PCDHA3: variants seen among roughly 807,000 people sequenced by gnomAD.
The protein encoded by PCDHA3 is protocadherin alpha-3.
Under a neutral mutation model 62.2 loss-of-function variants are expected in PCDHA3, and 41 were observed. The ratio of observed to expected loss-of-function variants is 0.66; its 90% confidence interval spans 0.51 to 0.86. The LOEUF is 0.86. PCDHA3 is among the 40% of genes least tolerant of loss of function. The pLI, the probability that PCDHA3 is intolerant of heterozygous loss-of-function variation, is 0.00. For synonymous variants in PCDHA3, 640 were observed against 555.4 expected (o/e 1.15, Z -2.14); for missense variants, 1,304 against 1,241.2 (o/e 1.05, Z -0.76).
chr5:140,802,475 T>C lies in PCDHA3; in HGVS notation c.1278T>C (p.Thr426=), dbSNP rs17844258. 4.5e-4 allele frequency: 727 copies of C among 1,614,202 alleles called. 5 individuals are homozygous for C. In the East Asian group the frequency reaches 0.012, roughly 26 times the overall value. The change falls in exon 1 of 4, where the codon ACT becomes ACC. Residue 426 remains threonine, a synonymous_variant. Transcript: ENST00000522353. ...ESVSAYELVV[T]ARDGGSPSLW... Reference sequence around the variant, plus strand: ...TGTCGGCCTATGAGCTGGTGGTGACTGCTCGGGACGGGGGCTCGCCTTCAC... The same window carrying C: ...TGTCGGCCTATGAGCTGGTGGTGACCGCTCGGGACGGGGGCTCGCCTTCAC...
chr5:140,806,250 T>A (rs1351853835), intron 1 of PCDHA3, among the ~76,000 whole-genome samples: 8 of 152,148 alleles, frequency 5.3e-5, no homozygotes, highest in Non-Finnish European at 1.0e-4. Context: ...AAAAAAGCTA[T>A]TGGAAGCAGG....
chr5:140,927,086 A>G (rs2083826085), intron 1 of PCDHA3: 5 of 1,612,296 alleles, frequency 3.1e-6, no homozygotes, highest in Non-Finnish European at 3.4e-6. Context: ...CGCGAGCTCT[A>G]CTTCGGGGTG....
At chr5:140,804,322 TTAA>T (rs1302399860) in intron 1 of PCDHA3, 1 of 152,090 alleles carries the variant, frequency 6.6e-6, no homozygotes, top group Non-Finnish European at 1.5e-5. Context: ...TAATACTACT[TTAA>T]TAATACTACT....
chr5:140,826,616 G>C (rs2150144460), intron 1 of PCDHA3, among the ~76,000 whole-genome samples: 4 of 152,230 alleles, frequency 2.6e-5, no homozygotes, highest in Non-Finnish European at 5.9e-5. Flanking sequence ...GGGCGAAGTT[G>C]ATATTTGGCC....
chr5:140,884,839 G>T, intron 1 of PCDHA3: 1 of 893,290 alleles, frequency 1.1e-6, no homozygotes, highest in Non-Finnish European at 1.6e-6. Context: ...TTATCCTTCA[G>T]AGTGAAATCT....
intron 1 of PCDHA3, among the ~76,000 whole-genome samples, chr5:140,914,155 A>G (rs1432406316): frequency 6.6e-6 from 1 of 152,188 alleles, no homozygotes; most frequent in Admixed American, 6.5e-5. Flanking sequence ...GTTCTGTCCA[A>G]TACGGAAAGT....
At position 140,821,636 on chromosome 5, in the gene PCDHA3, A is replaced by G. The variant is rs1054964805; in HGVS notation, c.2394+18045A>G. On this transcript the variant is annotated intron_variant, in intron 1 of 3. Coordinates refer to ENST00000522353, the MANE Select transcript of PCDHA3 (RefSeq NM_018906.3). ...GTAGATTTTCCTTAGACAGAAAGGA[A>G]AAGAACCTTCCATTTTTGGCTGTGC... 20 of 1,021,456 alleles carry G rather than the reference A, an allele frequency of 2.0e-5. No individual in the cohort carries two copies. In the African/African-American group the frequency reaches 2.9e-4, roughly 15 times the overall value. 63.3% of individuals were successfully genotyped at this position (1,021,456 alleles called of 1,614,324 possible). A position where few individuals can be genotyped will look rare whatever the true frequency, so the allele number is the denominator to read the frequency against.
chr5:140,881,121 C>G (rs1456322924), intron 1 of PCDHA3, among the ~76,000 whole-genome samples: 4 of 152,122 alleles, frequency 2.6e-5, no homozygotes, highest in Non-Finnish European at 4.4e-5. Flanking sequence ...GATTTTGTGG[C>G]TTGGTAGAGA....
rs1563652468 is a variant in PCDHA3 at position 141,000,419 on chromosome 5, A to AT, written c.2543-9207dup. The stretch of plus-strand genomic sequence containing the variant: ...TCTATATATATATATATATATATAT[A>AT]TATTTTTTTTTTTTTTTTTTTTTTT... On this transcript the variant is annotated intron_variant, in intron 3 of 3. Transcript: ENST00000522353. 4.4e-3 allele frequency among the ~76,000 whole-genome samples: 271 copies of AT among 60,978 alleles called. 1 individual carries two copies. The highest frequency in any genetic ancestry group is 5.9e-3 in the Non-Finnish European group (210 of 35,644). The allele number at this position is 60,978 out of a possible 152,430, so 40.0% of individuals were successfully genotyped here.
chr5:140,900,644 C>G (rs1554189317), intron 1 of PCDHA3, among the ~76,000 whole-genome samples: 1 of 152,180 alleles, frequency 6.6e-6, no homozygotes. Context: ...ATTGTGAACA[C>G]TGCTGCAATG....
At chr5:140,859,564 T>C (rs1485342006) in intron 1 of PCDHA3, 1 of 176,228 alleles carries the variant, frequency 5.7e-6, no homozygotes, top group African/African-American at 2.4e-5. Context: ...ACCAATGCCA[T>C]GAATTTGTCA....
rs73793533 is a variant in PCDHA3 at position 140,949,932 on chromosome 5, T to A, written c.2395-29017T>A. On this transcript the variant is annotated intron_variant, in intron 1 of 3. Transcript: ENST00000522353. Reference sequence around the variant, plus strand: ...GATATAACTATTTTTAGATTTTTTTTAATTTGCATTTTTTAGTGGTTGCTG... The same window carrying A: ...GATATAACTATTTTTAGATTTTTTTAAATTTGCATTTTTTAGTGGTTGCTG... Among the ~76,000 whole-genome samples, 1,356 of 151,758 alleles carry A rather than the reference T, an allele frequency of 8.9e-3. 15 individuals carry two copies. The highest frequency in any genetic ancestry group is 0.032 in the African/African-American group (1,309 of 41,514).
Position 140,828,379 on chromosome 5 carries a change from C to T in PCDHA3, c.2394+24788C>T, listed in dbSNP as rs2150154694. The T allele has an allele frequency of 1.9e-6, 3 of 1,614,236 alleles. No individual in the cohort carries two copies. In the South Asian group the frequency reaches 3.3e-5, roughly 18 times the overall value. On this transcript the variant is annotated intron_variant, in intron 1 of 3. Transcript: ENST00000522353. ...CTCGGATCGACCGCGAGGAGCTGTG[C>T]GGGCGGAGCGCGGAGTGCAGCATCC...
chr5:140,824,195 C>T, intron 1 of PCDHA3: 1 of 1,600,340 alleles, frequency 6.2e-7, no homozygotes, highest in Non-Finnish European at 8.6e-7. Flanking sequence ...CACATTCACC[C>T]ACTTTTTTTG....
At chr5:140,863,829 T>A (rs2048195193) in intron 1 of PCDHA3, 1 of 199,822 alleles carries the variant, frequency 5.0e-6, no homozygotes, top group East Asian at 1.2e-4. Flanking sequence ...TGAAACTCCA[T>A]CTCTACTAAA....
At chr5:140,884,499 C>A (rs782667822) in intron 1 of PCDHA3, 2 of 1,614,062 alleles carry the variant, frequency 1.2e-6, no homozygotes, top group Non-Finnish European at 8.5e-7. Flanking sequence ...TGCTCCAGCG[C>A]GGCAGGGAGT....
At chr5:140,855,106 T>C (rs1554147619) in intron 1 of PCDHA3, among the ~76,000 whole-genome samples, 1 of 149,974 alleles carries the variant, frequency 6.7e-6, no homozygotes, top group Non-Finnish European at 1.5e-5. Flanking sequence ...GTAGCAATAA[T>C]TAAGGCATTC....
intron 1 of PCDHA3, chr5:140,815,483 C>T (rs1343193235): frequency 1.3e-5 from 2 of 151,950 alleles, no homozygotes; most frequent in Admixed American, 1.3e-4. Context: ...TCTCCCCTAC[C>T]CAAATTTTAT....
Position 140,801,102 on chromosome 5 carries a change from A to T in PCDHA3, c.-96A>T. ...TTTGCTTCATCCTCTCTAAAATTTA[A>T]CACCGAGGAGTTTAAGAAATGAAGA... On this transcript the variant is annotated 5_prime_UTR_variant, in exon 1 of 4. Transcript: ENST00000522353. The T allele has an allele frequency of 6.6e-7, 1 of 1,504,906 alleles. No homozygotes were observed. 93.2% of individuals were successfully genotyped at this position (1,504,906 alleles called of 1,614,324 possible).
Sources: gnomAD v4.1 joint callset for allele counts (sites outside exome capture counted in the v4.1 genomes callset) on GRCh38, gnomAD v4.1.1 for gene constraint, MANE v1.5 for transcripts, NCBI Gene and HGNC (gene_info 2026-07-23, HGNC 2026-07-21) for gene names.